The following MXI1 variants were observed in gnomAD, a reference collection of about 807,000 sequenced individuals.
MXI1 encodes the protein MAX interactor 1, dimerization protein.
MXI1 carries 18 observed loss-of-function variants against 36.9 expected under a neutral mutation model. The observed-to-expected ratio is 0.49, with a 90% CI of 0.34 to 0.72. The LOEUF is 0.72. Among genes scored for constraint, MXI1 ranks in the 30% least tolerant of loss-of-function variants. The pLI is 0.01. For synonymous variants in MXI1, 160 were observed against 146.7 expected, an observed-to-expected ratio of 1.09 and a Z score of -0.65; for missense variants, 304 against 379.1, an observed-to-expected ratio of 0.80 and a Z score of 1.64.
chr10:110,212,841 T>C (rs1350241268), intron 1 of MXI1, among the ~76,000 whole-genome samples: 1 of 152,230 alleles, frequency 6.6e-6, no homozygotes, highest in Non-Finnish European at 1.5e-5. Flanking sequence ...ATCAGTACCA[T>C]GCACTTCTCT....
rs765482150 is a variant in MXI1, at chr10:110,228,262, G to A, written c.348G>A (p.Arg116=). The A allele has an allele frequency of 6.2e-7, 1 of 1,614,152 alleles. No homozygotes were observed. The highest frequency in any genetic ancestry group is 1.1e-5 in the South Asian group (1 of 91,080). Residue 116 remains arginine, a synonymous_variant, in exon 2 of 6, where the codon CGG becomes CGA. Transcript: ENST00000332674. ...SPRLQHSKPP[R]RLSRAQKHSS... is the part of the protein sequence containing the mutation. ...GACTGCAGCATTCAAAGCCCCCACG[G>A]AGGTTGAGCCGGGCACAGAAACACA...
chr10:110,277,545 G>T (rs1857078525), intron 3 of MXI1, among the ~76,000 whole-genome samples: 1 of 152,080 alleles, frequency 6.6e-6, no homozygotes, highest in South Asian at 2.1e-4. Context: ...TTTGTTAAAG[G>T]TTCTATGCAT....
intron 3 of MXI1, among the ~76,000 whole-genome samples, chr10:110,256,622 A>AAT (rs1856307053): frequency 6.6e-6 from 1 of 151,226 alleles, no homozygotes; most frequent in African/African-American, 2.4e-5. Context: ...AAAAAAAAAA[A>AAT]AAAAAAAGAA....
At chr10:110,250,663 C>G (rs1856045998) in intron 3 of MXI1, among the ~76,000 whole-genome samples, 1 of 151,684 alleles carries the variant, frequency 6.6e-6, no homozygotes, top group Non-Finnish European at 1.5e-5. Context: ...GAAACCCCAT[C>G]TCTACTAAAA....
At chr10:110,210,787 C>T (rs941716998) in intron 1 of MXI1, among the ~76,000 whole-genome samples, 20 of 152,354 alleles carry the variant, frequency 1.3e-4, no homozygotes, top group African/African-American at 4.1e-4. Context: ...GCCCGCGCGT[C>T]ACGGCAATCC....
At chr10:110,242,783 T>C (rs1855718887) in intron 2 of MXI1, among the ~76,000 whole-genome samples, 1 of 152,010 alleles carries the variant, frequency 6.6e-6, no homozygotes, top group South Asian at 2.1e-4. Flanking sequence ...ATATTATCTC[T>C]TGCACTGATG....
At chr10:110,273,379 A>G (rs1324510830) in intron 3 of MXI1, among the ~76,000 whole-genome samples, 1 of 152,166 alleles carries the variant, frequency 6.6e-6, no homozygotes, top group Non-Finnish European at 1.5e-5. Context: ...TGAACCGAAT[A>G]AGCTGAACAG....
At chr10:110,212,772 T>G (rs570183395) in intron 1 of MXI1, among the ~76,000 whole-genome samples, 1 of 152,224 alleles carries the variant, frequency 6.6e-6, no homozygotes, top group Non-Finnish European at 1.5e-5. Context: ...ACTTAAATAT[T>G]TAACGTACCT....
chr10:110,214,298 C>T (rs997440380), intron 1 of MXI1, among the ~76,000 whole-genome samples: 14 of 152,102 alleles, frequency 9.2e-5, no homozygotes, highest in African/African-American at 2.9e-4. Flanking sequence ...GAAAAGGTTT[C>T]GAAGTGAGGC....
intron 2 of MXI1, among the ~76,000 whole-genome samples, chr10:110,240,882 T>G (rs917580957): frequency 2.6e-5 from 4 of 151,948 alleles, no homozygotes; most frequent in Admixed American, 2.6e-4. Flanking sequence ...TCTGCAAAAT[T>G]AGAGGTCTTT....
rs1564729318 is a variant in MXI1 at position 110,285,101 on chromosome 10, AAAC to A, written c.*117_*119del. The A allele has an allele frequency of 9.5e-7, 1 of 1,049,108 alleles. No individual in the cohort carries two copies. The highest frequency in any genetic ancestry group is 1.6e-5 in the African/African-American group (1 of 61,152). The allele number at this position is 1,049,108 out of a possible 1,614,324, so 65.0% of individuals were successfully genotyped here. A position where few individuals can be genotyped will look rare whatever the true frequency, so the allele number is the denominator to read the frequency against. On this transcript the variant is annotated 3_prime_UTR_variant, in exon 6 of 6. Coordinates refer to ENST00000332674, the MANE Select transcript of MXI1 (RefSeq NM_130439.3). ...CTCCTCTTTAAAACAAAACAAAACAAAACAAAACTATACTTGAACAAAAGGGTC... is the reference window on the plus strand; with the variant it reads ...CTCCTCTTTAAAACAAAACAAAACAAAAAACTATACTTGAACAAAAGGGTC...
intron 1 of MXI1, chr10:110,208,438 T>C (rs76379977): frequency 2.5e-4 from 41 of 167,210 alleles, no homozygotes; most frequent in African/African-American, 6.0e-4. Context: ...TTTTTTTTTT[T>C]CCGGAGCCTT....
intron 3 of MXI1, among the ~76,000 whole-genome samples, chr10:110,254,498 CA>C (rs1305632940): frequency 6.6e-6 from 1 of 152,110 alleles, no homozygotes; most frequent in Non-Finnish European, 1.5e-5. Context: ...ACATGTATTT[CA>C]CTTTAAATTT....
intron 1 of MXI1, among the ~76,000 whole-genome samples, chr10:110,211,317 A>T (rs1342516691): frequency 1.3e-5 from 2 of 151,946 alleles, no homozygotes; most frequent in Non-Finnish European, 2.9e-5. Flanking sequence ...GCCTCTTCTG[A>T]CGTCACGCGT....
chr10:110,247,156 A>C (rs1471692983), intron 3 of MXI1, among the ~76,000 whole-genome samples: 1 of 152,118 alleles, frequency 6.6e-6, no homozygotes, highest in Non-Finnish European at 1.5e-5. Flanking sequence ...GCATTTTTTC[A>C]TGTGTCTTTT....
Position 110,207,771 on chromosome 10 carries a change from C to A in MXI1, c.-38C>A. On this transcript the variant is annotated 5_prime_UTR_variant, in exon 1 of 6. Coordinates refer to ENST00000332674, the MANE Select transcript of MXI1 (RefSeq NM_130439.3). ...CCGGAGCTCGGCCGGGCCGCGCAGC[C>A]CCGTTAGAGGACGAGCTCGGCGGAC... The A allele has an allele frequency of 8.8e-7, 1 of 1,131,074 alleles. No homozygotes were observed. Among genetic ancestry groups the A allele is most frequent in the Non-Finnish European group, 1.1e-6 (1 of 920,558 alleles). The allele number at this position is 1,131,074 out of a possible 1,614,324, so 70.1% of individuals were successfully genotyped here. A position where few individuals can be genotyped will look rare whatever the true frequency, so the allele number is the denominator to read the frequency against.
intron 3 of MXI1, among the ~76,000 whole-genome samples, chr10:110,250,072 T>G (rs1266001331): frequency 1.3e-5 from 2 of 152,144 alleles, no homozygotes; most frequent in Non-Finnish European, 2.9e-5. Context: ...TTGGTTGTGA[T>G]CCACAATTAC....
chr10:110,256,732 T>C (rs889756334), intron 3 of MXI1, among the ~76,000 whole-genome samples: 1 of 151,706 alleles, frequency 6.6e-6, no homozygotes, highest in African/African-American at 2.4e-5. Flanking sequence ...GATGACCATC[T>C]AGGGTTGCTC....
intron 1 of MXI1, among the ~76,000 whole-genome samples, chr10:110,216,036 A>G (rs1854629152): frequency 6.6e-6 from 1 of 152,238 alleles, no homozygotes; most frequent in Non-Finnish European, 1.5e-5. Context: ...AGCTGTCAAC[A>G]GCTGACTTGA....
Sources: allele counts gnomAD v4.1 joint callset (sites outside exome capture counted in the v4.1 genomes callset), GRCh38; gene constraint gnomAD v4.1.1; transcripts MANE v1.5; gene names NCBI Gene and HGNC (gene_info 2026-07-23, HGNC 2026-07-21).